OR51F1: variants seen among roughly 807,000 people sequenced by gnomAD.
OR51F1 encodes olfactory receptor family 51 subfamily F member 1.
For synonymous variants in OR51F1, 142 were observed against 143.5 expected (o/e 0.99, Z 0.08); for missense variants, 438 against 385.4 (o/e 1.14, Z -1.14).
At position 4,769,198 on chromosome 11, in the gene OR51F1, G is replaced by A. The variant is rs1564905090; in HGVS notation, c.741C>T (p.Phe247=). 1.9e-6 allele frequency: 3 copies of A among 1,614,000 alleles called. No homozygotes were observed. The highest frequency in any genetic ancestry group is 2.5e-6 in the Non-Finnish European group (3 of 1,179,830). The change falls in exon 1 of 1, where the codon TTC becomes TTT. Residue 247 remains phenylalanine (F), a synonymous_variant. Transcript: ENST00000624103. The part of the protein sequence containing the change: ...IASPEEWHKV[F]STCVSHVGAV... The stretch of plus-strand genomic sequence containing the variant: ...CTCCCACATGGGAGACACAGGTGCT[G>A]AAGACCTTGTGCCATTCTTCAGGGG...
rs535852807 is a variant in OR51F1, at chr11:4,769,909, G to T, written c.30C>A (p.Ile10=). The T allele has an allele frequency of 3.1e-6, 5 of 1,587,808 alleles. No homozygotes were observed. The highest frequency in any genetic ancestry group is 1.3e-5 in the African/African-American group (1 of 74,632). The change falls in exon 1 of 1, where the codon ATC becomes ATA. Residue 10 remains isoleucine, a synonymous_variant. Coordinates refer to ENST00000624103, the MANE Select transcript of OR51F1 (RefSeq NM_001004752.2). The part of the protein sequence containing the change: MLQNQDTME[I]LSNSTSKFPT... ...GAAATTTAGATGTTGAGTTGCTTAG[G>T]ATTTCCATGGTGTCCTGGTTTTGCA...
In OR51F1 at chr11:4,769,668, A is replaced by C; in HGVS notation, c.271T>G (p.Leu91Val). 1 of 1,612,986 alleles carries C rather than the reference A, an allele frequency of 6.2e-7. No homozygotes were observed. Among genetic ancestry groups the C allele is most frequent in the Non-Finnish European group, 8.5e-7 (1 of 1,178,948 alleles). ...CGTGCCTCAAACCAGAGGATACCTA[A>C]TGTTGTTGACAATGAAGAAACAGTC... Reference protein sequence around the residue: ...GLTVSSLSTTLGILWFEAREI... With the variant: ...GLTVSSLSTTVGILWFEAREI... The change falls in exon 1 of 1, where the codon TTA becomes GTA. Residue 91 changes from leucine to valine, a missense_variant. Transcript: ENST00000624103.
rs150300273 is a variant in OR51F1 at position 4,769,243 on chromosome 11, G to A, written c.696C>T (p.His232=). Residue 232 remains histidine (H), a synonymous_variant, in exon 1 of 1, where the codon CAC becomes CAT. Transcript: ENST00000624103. The stretch of plus-strand genomic sequence containing the variant: ...CAGGGGAGGCAATTCTGAGGACAGA[G>A]TGAATAATTAAGATATATGACAGGA... The part of the protein sequence containing the change: ...CIVLSYILII[H]SVLRIASPEE... 1.2e-4 allele frequency: 201 copies of A among 1,613,602 alleles called. No individual in the cohort carries two copies. Among genetic ancestry groups the A allele is most frequent in the Non-Finnish European group, 1.6e-4 (194 of 1,179,612 alleles).
In OR51F1 at chr11:4,769,223, G is replaced by C. The variant is rs1276636318; in HGVS notation, c.716C>G (p.Ser239Cys). ...LIIHSVLRIA[S>C]PEEWHKVFST... ...GAAGACCTTGTGCCATTCTTCAGGGGAGGCAATTCTGAGGACAGAGTGAAT... is the reference window on the plus strand; with the variant it reads ...GAAGACCTTGTGCCATTCTTCAGGGCAGGCAATTCTGAGGACAGAGTGAAT... Residue 239 changes from serine to cysteine, a missense_variant, in exon 1 of 1, where the codon TCC (serine) becomes TGC (cysteine). Coordinates refer to ENST00000624103, the MANE Select transcript of OR51F1 (RefSeq NM_001004752.2). 6.2e-7 allele frequency: 1 copy of C among 1,613,740 alleles called. No individual in the cohort carries two copies. The highest frequency in any genetic ancestry group is 2.2e-5 in the East Asian group (1 of 44,886).
In OR51F1 at chr11:4,769,271, A is replaced by T; in HGVS notation, c.668T>A (p.Ile223Asn). 1.2e-6 allele frequency: 2 copies of T among 1,613,736 alleles called. No individual in the cohort carries two copies. Among genetic ancestry groups the T allele is most frequent in the Non-Finnish European group, 1.7e-6 (2 of 1,179,638 alleles). Residue 223 changes from isoleucine to asparagine, a missense_variant, in exon 1 of 1, where the codon ATT (isoleucine) becomes AAT (asparagine). By Grantham distance (149) the Ile-to-Asn change is moderately radical (BLOSUM62 -3). Coordinates refer to ENST00000624103, the MANE Select transcript of OR51F1 (RefSeq NM_001004752.2). ...ILTTGIDTPC[I>N]VLSYILIIHS... ...AATAATTAAGATATATGACAGGACA[A>T]TGCATGGTGTATCTATTCCAGTGGT...
In OR51F1 at chr11:4,769,156, G is replaced by T. The variant is rs142202588; in HGVS notation, c.783C>A (p.Tyr261Ter). Residue 261 changes from tyrosine (Y) to a stop codon, truncating the protein, a stop_gained, in exon 1 of 1, where the codon TAC (tyrosine) becomes TAA (stop). Transcript: ENST00000624103. LOFTEE classifies it low-confidence loss of function (END_TRUNC). ...VSHVGAVAFFYIHMLSLSLVY... is the reference protein window; with the variant it reads ...VSHVGAVAFF The stretch of plus-strand genomic sequence containing the variant: ...CCAAGGACAGGCTCAGCATGTGGAT[G>T]TAGAAGAAAGCAACTGCTCCCACAT... The T allele has an allele frequency of 5.4e-4, 877 of 1,613,760 alleles. 4 individuals are homozygous for T. The Middle Eastern group carries it at 8.4e-3, about 15-fold the overall frequency.
rs1848683067 is a variant in OR51F1, at chr11:4,769,534, G to C, written c.405C>G (p.Ile135Met). Residue 135 changes from isoleucine to methionine, a missense_variant, in exon 1 of 1, where the codon ATC becomes ATG. Coordinates refer to ENST00000624103, the MANE Select transcript of OR51F1 (RefSeq NM_001004752.2). ...TGGTAGTGTACCTCAGAGGGTCACAGATGGCCACATAACGGTCAAAGGCTG... is the reference window on the plus strand; with the variant it reads ...TGGTAGTGTACCTCAGAGGGTCACACATGGCCACATAACGGTCAAAGGCTG... ...VATAFDRYVA[I>M]CDPLRYTTIL... The C allele has an allele frequency of 6.2e-7, 1 of 1,613,764 alleles. No homozygotes were observed. Among genetic ancestry groups the C allele is most frequent in the Non-Finnish European group, 8.5e-7 (1 of 1,179,688 alleles).
At position 4,769,641 on chromosome 11, in the gene OR51F1, C is replaced by T. The variant is rs914416256; in HGVS notation, c.298G>A (p.Glu100Lys). The T allele has an allele frequency of 2.5e-6, 4 of 1,597,878 alleles. No homozygotes were observed. The African/African-American group carries it at 4.5e-5, about 18-fold the overall frequency. ...TLGILWFEAR[E>K]ISLYSCIVQM... Reference sequence around the variant, plus strand: ...ACAATGCAGCTATATAGACTGATTTCACGTGCCTCAAACCAGAGGATACCT... The same window carrying T: ...ACAATGCAGCTATATAGACTGATTTTACGTGCCTCAAACCAGAGGATACCT... The change falls in exon 1 of 1, where the codon GAA (glutamate) becomes AAA (lysine). Residue 100 changes from glutamate to lysine, a missense_variant. Transcript: ENST00000624103.
rs1848681351 is a variant in OR51F1 at position 4,769,464 on chromosome 11, T to C, written c.475A>G (p.Thr159Ala). 1.2e-6 allele frequency: 2 copies of C among 1,613,178 alleles called. No individual in the cohort carries two copies. The highest frequency in any genetic ancestry group is 1.7e-6 in the Non-Finnish European group (2 of 1,179,156). The change falls in exon 1 of 1, where the codon ACA becomes GCA. Residue 159 changes from threonine (T) to alanine (A), a missense_variant. Physicochemically the swap from Thr to Ala is moderately conservative, Grantham distance 58 (BLOSUM62 0). Transcript: ENST00000624103. ...GGCAATATTAGTACTATAGCACGTG[T>C]AATCATCAGAAGACCCATTTGAATG... ...RIIQMGLLMI[T>A]RAIVLILPLL...
chr11:4,769,214 T>C lies in OR51F1; in HGVS notation c.725A>G (p.Glu242Gly), dbSNP rs1228020840. ...ACAGGTGCTGAAGACCTTGTGCCATTCTTCAGGGGAGGCAATTCTGAGGAC... is the reference window on the plus strand; with the variant it reads ...ACAGGTGCTGAAGACCTTGTGCCATCCTTCAGGGGAGGCAATTCTGAGGAC... ...HSVLRIASPE[E>G]WHKVFSTCVS... The change falls in exon 1 of 1, where the codon GAA becomes GGA. Residue 242 changes from glutamate to glycine, a missense_variant. Transcript: ENST00000624103. The C allele has an allele frequency of 2.5e-6, 4 of 1,613,802 alleles. No individual in the cohort carries two copies. The highest frequency in any genetic ancestry group is 1.7e-5 in the Admixed American group (1 of 60,002).
In OR51F1 at chr11:4,769,292, G is replaced by C; in HGVS notation, c.647C>G (p.Thr216Ser). Residue 216 changes from threonine (T) to serine (S), a missense_variant, in exon 1 of 1, where the codon ACT becomes AGT. Physicochemically the swap from Thr to Ser is moderately conservative, Grantham distance 58. Transcript: ENST00000624103. ...GACAATGCATGGTGTATCTATTCCA[G>C]TGGTCAGGATGAGATCAATTAATCC... Reference protein sequence around the residue: ...ICGLIDLILTTGIDTPCIVLS... With the variant: ...ICGLIDLILTSGIDTPCIVLS... 1 of 1,613,622 alleles carries C rather than the reference G, an allele frequency of 6.2e-7. No individual in the cohort carries two copies. The highest frequency in any genetic ancestry group is 1.1e-5 in the South Asian group (1 of 91,072).
rs776481103 is a variant in OR51F1, at chr11:4,769,548, G to T, written c.391C>A (p.Arg131Ser). Reference protein sequence around the residue: ...SGVLVATAFDRYVAICDPLRY... With the variant: ...SGVLVATAFDSYVAICDPLRY... Reference sequence around the variant, plus strand: ...AGAGGGTCACAGATGGCCACATAACGGTCAAAGGCTGTAGCCACCAGCACT... The same window carrying T: ...AGAGGGTCACAGATGGCCACATAACTGTCAAAGGCTGTAGCCACCAGCACT... The change falls in exon 1 of 1, where the codon CGT (arginine) becomes AGT (serine). Residue 131 changes from arginine to serine, a missense_variant. By Grantham distance (110) the Arg-to-Ser change is moderately radical (BLOSUM62 -1). Transcript: ENST00000624103. 3 of 1,613,226 alleles carry T rather than the reference G, an allele frequency of 1.9e-6. No individual in the cohort carries two copies. Among genetic ancestry groups the T allele is most frequent in the South Asian group, 2.2e-5 (2 of 91,028 alleles).
Position 4,769,585 on chromosome 11 carries a change from A to C in OR51F1, c.354T>G (p.Phe118Leu), listed in dbSNP as rs758286049. 6.2e-7 allele frequency: 1 copy of C among 1,613,466 alleles called. No individual in the cohort carries two copies. Among genetic ancestry groups the C allele is most frequent in the Non-Finnish European group, 8.5e-7 (1 of 1,179,422 alleles). The change falls in exon 1 of 1, where the codon TTT (phenylalanine) becomes TTG (leucine). Residue 118 changes from phenylalanine to leucine, a missense_variant. Coordinates refer to ENST00000624103, the MANE Select transcript of OR51F1 (RefSeq NM_001004752.2). ...VQMFFLHGFT[F>L]MESGVLVATA... ...TAGCCACCAGCACTCCAGATTCCAT[A>C]AAAGTGAATCCATGAAGAAAAAACA...
At position 4,769,512 on chromosome 11, in the gene OR51F1, T is replaced by A; in HGVS notation, c.427A>T (p.Thr143Ser). 7 of 1,613,786 alleles carry A rather than the reference T, an allele frequency of 4.3e-6. No individual in the cohort carries two copies. Among genetic ancestry groups the A allele is most frequent in the Non-Finnish European group, 5.9e-6 (7 of 1,179,726 alleles). Reference protein sequence around the residue: ...VAICDPLRYTTILTNSRIIQM... With the variant: ...VAICDPLRYTSILTNSRIIQM... ...ATGATTCTGGAATTAGTGAGAATGG[T>A]AGTGTACCTCAGAGGGTCACAGATG... Residue 143 changes from threonine to serine, a missense_variant, in exon 1 of 1, where the codon ACC becomes TCC. Physicochemically the swap from Thr to Ser is moderately conservative, Grantham distance 58. Transcript: ENST00000624103.
In OR51F1 at chr11:4,769,493, C is replaced by G. The variant is rs1208739250; in HGVS notation, c.446G>C (p.Arg149Thr). 2.5e-6 allele frequency: 4 copies of G among 1,613,788 alleles called. No homozygotes were observed. Among genetic ancestry groups the G allele is most frequent in the African/African-American group, 1.3e-5 (1 of 75,010 alleles). The change falls in exon 1 of 1, where the codon AGA becomes ACA. Residue 149 changes from arginine to threonine, a missense_variant. Transcript: ENST00000624103. The stretch of plus-strand genomic sequence containing the variant: ...CATCAGAAGACCCATTTGAATGATT[C>G]TGGAATTAGTGAGAATGGTAGTGTA... ...LRYTTILTNS[R>T]IIQMGLLMIT...
Position 4,769,654 on chromosome 11 carries a change from C to T in OR51F1, c.285G>A (p.Trp95Ter). The change falls in exon 1 of 1, where the codon TGG (tryptophan) becomes TGA (stop). Residue 95 changes from tryptophan (W) to a stop codon, truncating the protein, a stop_gained. Transcript: ENST00000624103. LOFTEE classifies it low-confidence loss of function (END_TRUNC). Reference protein sequence around the residue: ...SSLSTTLGILWFEAREISLYS... With the variant: ...SSLSTTLGIL Reference sequence around the variant, plus strand: ...ATAGACTGATTTCACGTGCCTCAAACCAGAGGATACCTAATGTTGTTGACA... The same window carrying T: ...ATAGACTGATTTCACGTGCCTCAAATCAGAGGATACCTAATGTTGTTGACA... 6.2e-7 allele frequency: 1 copy of T among 1,613,026 alleles called. No homozygotes were observed. The highest frequency in any genetic ancestry group is 8.5e-7 in the Non-Finnish European group (1 of 1,179,034).
chr11:4,769,040 A>T lies in OR51F1; in HGVS notation c.899T>A (p.Ile300Asn). ...LLLPPVLNPIIDSVKTKQIRK... is the reference protein window; with the variant it reads ...LLLPPVLNPINDSVKTKQIRK... ...GATTTGTTTTGTTTTTACACTGTCG[A>T]TGATGGGGTTGAGCACAGGGGGTAA... The change falls in exon 1 of 1, where the codon ATC (isoleucine) becomes AAC (asparagine). Residue 300 changes from isoleucine to asparagine, a missense_variant. Physicochemically the swap from Ile to Asn is moderately radical, Grantham distance 149. Coordinates refer to ENST00000624103, the MANE Select transcript of OR51F1 (RefSeq NM_001004752.2). 6.5e-7 allele frequency: 1 copy of T among 1,539,000 alleles called. No homozygotes were observed. The highest frequency in any genetic ancestry group is 8.7e-7 in the Non-Finnish European group (1 of 1,143,342).
In OR51F1 at chr11:4,769,881, T is replaced by A. The variant is rs17324812; in HGVS notation, c.58A>T (p.Thr20Ser). Residue 20 changes from threonine (T) to serine (S), a missense_variant, in exon 1 of 1, where the codon ACC (threonine) becomes TCC (serine). Physicochemically the swap from Thr to Ser is moderately conservative, Grantham distance 58 (BLOSUM62 1). Transcript: ENST00000624103. ...ILSNSTSKFP[T>S]FLLTGIPGLE... ...CCAGGAATGCCGGTCAACAAGAAGG[T>A]TGGAAATTTAGATGTTGAGTTGCTT... 5 of 1,611,344 alleles carry A rather than the reference T, an allele frequency of 3.1e-6. No individual in the cohort carries two copies. In the African/African-American group the frequency reaches 4.0e-5, roughly 13 times the overall value.
In OR51F1 at chr11:4,769,865, C is replaced by T. The variant is rs865824885; in HGVS notation, c.74G>A (p.Gly25Asp). The change falls in exon 1 of 1, where the codon GGC (glycine) becomes GAC (aspartate). Residue 25 changes from glycine to aspartate, a missense_variant. Transcript: ENST00000624103. ...TSKFPTFLLTGIPGLESAHVW... is the reference protein window; with the variant it reads ...TSKFPTFLLTDIPGLESAHVW... The stretch of plus-strand genomic sequence containing the variant: ...ATGGGCAGACTCTAGGCCAGGAATG[C>T]CGGTCAACAAGAAGGTTGGAAATTT... 6.2e-7 allele frequency: 1 copy of T among 1,612,966 alleles called. No individual in the cohort carries two copies. The highest frequency in any genetic ancestry group is 8.5e-7 in the Non-Finnish European group (1 of 1,179,032).
Sources: gnomAD v4.1 joint callset for allele counts on GRCh38, gnomAD v4.1.1 for gene constraint, MANE v1.5 for transcripts, NCBI Gene and HGNC (gene_info 2026-07-23, HGNC 2026-07-21) for gene names.